The following B3GAT2 variants were observed in gnomAD, a reference collection of about 807,000 sequenced individuals.
B3GAT2 encodes galactosylgalactosylxylosylprotein 3-beta-glucuronosyltransferase 2.
B3GAT2 carries 26 observed loss-of-function variants against 27.8 expected under a neutral mutation model. The ratio of observed to expected loss-of-function variants is 0.93; its 90% CI spans 0.68 to 1.30. B3GAT2 has a LOEUF of 1.30. Ranked by LOEUF, B3GAT2 falls within the 50% of genes most tolerant of loss-of-function variation. B3GAT2 has a pLI of 0.00. For missense variants in B3GAT2, 458 were observed against 459.0 expected, an observed-to-expected ratio of 1.00 and a Z score of 0.02; for synonymous variants, 218 against 195.1, an observed-to-expected ratio of 1.12 and a Z score of -0.98.
chr6:70,956,085 C>A lies in B3GAT2; in HGVS notation c.345G>T (p.Leu115=). The change falls in exon 1 of 4, where the codon CTG becomes CTT. Residue 115 remains leucine, a synonymous_variant. Transcript: ENST00000230053. The part of the protein sequence containing the change: ...FRQVAQLHWI[L]VEDAAARSEL... Reference sequence around the variant, plus strand: ...CGCTGCGCGCCGCCGCGTCCTCCACCAGGATCCAGTGCAGCTGCGCCACCT... The same window carrying A: ...CGCTGCGCGCCGCCGCGTCCTCCACAAGGATCCAGTGCAGCTGCGCCACCT... The A allele has an allele frequency of 6.3e-7, 1 of 1,594,974 alleles. No individual in the cohort carries two copies. Among genetic ancestry groups the A allele is most frequent in the Non-Finnish European group, 8.5e-7 (1 of 1,173,562 alleles).
intron 2 of B3GAT2, among the ~76,000 whole-genome samples, chr6:70,891,748 T>TTGTGTGTGTGTGTGTGTGTG (rs147352529): frequency 6.9e-6 from 1 of 144,646 alleles, no homozygotes; most frequent in African/African-American, 2.6e-5. Context: ...AGAGCTCAGA[T>TTGTGTGTGTGTGTGTGTGTG]TGTGTGTGTG....
intron 2 of B3GAT2, among the ~76,000 whole-genome samples, chr6:70,886,548 G>A (rs1046928697): frequency 6.6e-6 from 1 of 152,072 alleles, no homozygotes; most frequent in Non-Finnish European, 1.5e-5. Context: ...GTGGACAGAG[G>A]CCTGGAAACC....
intron 1 of B3GAT2, among the ~76,000 whole-genome samples, chr6:70,954,451 G>A (rs1230278043): frequency 6.6e-6 from 1 of 152,138 alleles, no homozygotes; most frequent in Non-Finnish European, 1.5e-5. Context: ...TAGAAATGAA[G>A]GCGGCAATTA....
intron 2 of B3GAT2, among the ~76,000 whole-genome samples, chr6:70,868,848 C>T (rs747267337): frequency 5.9e-5 from 9 of 152,110 alleles, no homozygotes; most frequent in African/African-American, 2.2e-4. Context: ...AATTCTGAGC[C>T]GGCCAACTCT....
At chr6:70,923,403 G>A (rs1562229980) in intron 1 of B3GAT2, among the ~76,000 whole-genome samples, 2 of 152,060 alleles carry the variant, frequency 1.3e-5, no homozygotes, top group Admixed American at 6.6e-5. Context: ...TAGTCCAGGT[G>A]CAACGGCTCA....
intron 1 of B3GAT2, among the ~76,000 whole-genome samples, chr6:70,940,604 A>G (rs1432773533): frequency 6.6e-6 from 1 of 152,088 alleles, no homozygotes; most frequent in Non-Finnish European, 1.5e-5. Context: ...CTAGGTCCAC[A>G]CTGGGCCCTG....
At chr6:70,949,057 A>C (rs1039291740) in intron 1 of B3GAT2, among the ~76,000 whole-genome samples, 2 of 152,210 alleles carry the variant, frequency 1.3e-5, no homozygotes, top group African/African-American at 2.4e-5. Flanking sequence ...ACAAAAATTA[A>C]TTCAAGATGG....
At chr6:70,877,283 G>A (rs946444799) in intron 2 of B3GAT2, among the ~76,000 whole-genome samples, 2 of 152,136 alleles carry the variant, frequency 1.3e-5, no homozygotes, top group African/African-American at 4.8e-5. Flanking sequence ...TGGACACTGG[G>A]ACAAAGAAGG....
chr6:70,894,785 G>A (rs1772350522), intron 1 of B3GAT2, among the ~76,000 whole-genome samples: 1 of 152,122 alleles, frequency 6.6e-6, no homozygotes, highest in Non-Finnish European at 1.5e-5. Context: ...CCTGAACCTG[G>A]CTTCTTCCAG....
rs536554191 is a variant in B3GAT2 at position 70,946,022 on chromosome 6, T to G, written c.591+9817A>C. Reference sequence around the variant, plus strand: ...AAATACTTTACAGACAAGCAAATGCTGAGAGATTTTGCCACCACCAGGCCT... The same window carrying G: ...AAATACTTTACAGACAAGCAAATGCGGAGAGATTTTGCCACCACCAGGCCT... On this transcript the variant is annotated intron_variant, in intron 1 of 3. Coordinates refer to ENST00000230053, the MANE Select transcript of B3GAT2 (RefSeq NM_080742.3). Among the ~76,000 whole-genome samples the G allele has an allele frequency of 3.9e-5, 6 of 152,076 alleles. No individual in the cohort carries two copies. In the South Asian group the frequency reaches 1.3e-3, roughly 32 times the overall value.
Position 70,860,923 on chromosome 6 carries a change from T to C in B3GAT2, c.*740A>G, listed in dbSNP as rs1321783362. ...TTACTCCAAAACTTCGTTTAATGAA[T>C]GCTTAAAGAATTCAAATTTTATCTG... On this transcript the variant is annotated 3_prime_UTR_variant, in exon 4 of 4. Coordinates refer to ENST00000230053, the MANE Select transcript of B3GAT2 (RefSeq NM_080742.3). The C allele has an allele frequency of 6.0e-5, 23 of 380,788 alleles. No individual in the cohort carries two copies. Among genetic ancestry groups the C allele is most frequent in the Non-Finnish European group, 9.3e-5 (20 of 214,698 alleles). The allele number at this position is 380,788 out of a possible 1,614,324, so 23.6% of individuals were successfully genotyped here.
At chr6:70,933,911 A>C (rs1773100177) in intron 1 of B3GAT2, among the ~76,000 whole-genome samples, 1 of 152,196 alleles carries the variant, frequency 6.6e-6, no homozygotes, top group Admixed American at 6.5e-5. Context: ...ACCTCGTTTA[A>C]TTCTCAGAAC....
chr6:70,858,297 T>A lies in B3GAT2; in HGVS notation c.*3366A>T. The A allele has an allele frequency of 4.7e-5, 57 of 1,221,092 alleles. No individual in the cohort carries two copies. Among genetic ancestry groups the A allele is most frequent in the Non-Finnish European group, 5.9e-5 (54 of 915,896 alleles). 75.6% of individuals were successfully genotyped at this position (1,221,092 alleles called of 1,614,324 possible). On this transcript the variant is annotated 3_prime_UTR_variant, in exon 4 of 4. Transcript: ENST00000230053. ...ATTTATTTTCTAAATCTTTTTTTTT[T>A]TTTTTTTTTTTTTTTTTTAAGTCTA... is the stretch of plus-strand genomic sequence containing the variant.
chr6:70,910,973 T>C (rs977374725), intron 1 of B3GAT2, among the ~76,000 whole-genome samples: 3 of 152,244 alleles, frequency 2.0e-5, no homozygotes, highest in Non-Finnish European at 4.4e-5. Flanking sequence ...ATGTATGTCA[T>C]CTTTTGAAAA....
chr6:70,911,756 A>G (rs1200384899), intron 1 of B3GAT2, among the ~76,000 whole-genome samples: 2 of 152,168 alleles, frequency 1.3e-5, no homozygotes, highest in African/African-American at 4.8e-5. Flanking sequence ...CTTTAACAAC[A>G]TTGATTCTTC....
intron 1 of B3GAT2, among the ~76,000 whole-genome samples, chr6:70,947,368 A>T (rs1313818912): frequency 6.6e-6 from 1 of 152,170 alleles, no homozygotes; most frequent in Non-Finnish European, 1.5e-5. Flanking sequence ...GAGAAAAATC[A>T]AATAGACACA....
chr6:70,902,910 G>A (rs990812309), intron 1 of B3GAT2, among the ~76,000 whole-genome samples: 3 of 151,914 alleles, frequency 2.0e-5, no homozygotes, highest in Non-Finnish European at 2.9e-5. Context: ...TGGCAGGGGG[G>A]CTGGTGGTCA....
At chr6:70,861,803 G>T (rs370355920) in intron 3 of B3GAT2, 27 bp downstream of exon 3, 231 of 1,613,898 alleles carry the variant, frequency 1.4e-4, no homozygotes, top group Non-Finnish European at 6.2e-5. Flanking sequence ...GACACTCGAG[G>T]TCGGGCAGCA....
In B3GAT2 at chr6:70,867,745, G is replaced by T. The variant is rs141599669; in HGVS notation, c.737-5767C>A. On this transcript the variant is annotated intron_variant, in intron 2 of 3. Coordinates refer to ENST00000230053, the MANE Select transcript of B3GAT2 (RefSeq NM_080742.3). ...TAAATTCTACCAAGCATTTAAGGAAGAAATGACAGCAATTCTACATGAATT... is the reference window on the plus strand; with the variant it reads ...TAAATTCTACCAAGCATTTAAGGAATAAATGACAGCAATTCTACATGAATT... Among the ~76,000 whole-genome samples, 4 of 152,160 alleles carry T rather than the reference G, an allele frequency of 2.6e-5. No homozygotes were observed. In the East Asian group the frequency reaches 7.7e-4, roughly 29 times the overall value.
Sources: gnomAD v4.1 joint callset for allele counts (sites outside exome capture counted in the v4.1 genomes callset) on GRCh38, gnomAD v4.1.1 for gene constraint, MANE v1.5 for transcripts, NCBI Gene and HGNC (gene_info 2026-07-23, HGNC 2026-07-21) for gene names.